The following ATP12A variants were observed in gnomAD, a reference collection of about 807,000 sequenced individuals.
ATP12A encodes the protein potassium-transporting ATPase alpha chain 2.
Under a neutral mutation model 111.2 loss-of-function variants are expected in ATP12A, and 81 were observed. The observed-to-expected ratio is 0.73, with a 90% CI of 0.61 to 0.88. The LOEUF (loss-of-function observed/expected upper bound fraction) is 0.88. Ranked by LOEUF, ATP12A falls within the 40% of genes least tolerant of loss-of-function variation. The pLI is 0.00. For missense variants in ATP12A, 1,196 were observed against 1,313.1 expected, an observed-to-expected ratio of 0.91 and a Z score of 1.38; for synonymous variants, 498 against 499.8, an observed-to-expected ratio of 1.00 and a Z score of 0.05.
intron 13 of ATP12A, among the ~76,000 whole-genome samples, chr13:24,701,501 C>CAAAAAAAAAAAA (rs10586421): frequency 4.9e-5 from 5 of 101,398 alleles, no homozygotes; most frequent in Non-Finnish European, 8.1e-5. Flanking sequence ...AACTCTGTCT[C>CAAAAAAAAAAAA]AAAAAAAAAA....
In ATP12A at chr13:24,711,495, C is replaced by T; in HGVS notation, c.3093C>T (p.Ser1031=). 1 of 1,614,184 alleles carries T rather than the reference C, an allele frequency of 6.2e-7. No homozygotes were observed. Among genetic ancestry groups the T allele is most frequent in the South Asian group, 1.1e-5 (1 of 91,082 alleles). ...ATGTACTTTTTTCTACCTCTACAGGCTGGTGGGATAAGAACATGTATTATT... is the reference window on the plus strand; with the variant it reads ...ATGTACTTTTTTCTACCTCTACAGGTTGGTGGGATAAGAACATGTATTATT... ...RKLFIRLYPG[S]WWDKNMYY Residue 1031 remains serine, a splice_region_variant and synonymous_variant, in exon 23 of 23, where the codon AGC becomes AGT. Coordinates refer to ENST00000381946, the MANE Select transcript of ATP12A (RefSeq NM_001676.7).
intron 11 of ATP12A, among the ~76,000 whole-genome samples, chr13:24,694,992 C>T (rs1192702138): frequency 6.6e-6 from 1 of 152,220 alleles, no homozygotes; most frequent in African/African-American, 2.4e-5. Context: ...GCTCCTCTCA[C>T]CTCTAGTGCA....
intron 1 of ATP12A, 30 bp from the exon 2 acceptor site, chr13:24,681,532 G>A (rs765262128): frequency 3.1e-5 from 49 of 1,601,478 alleles, no homozygotes; most frequent in Non-Finnish European, 3.9e-5. Flanking sequence ...CCCATTTGGG[G>A]CCAATATTGC....
intron 11 of ATP12A, 134 bp from the exon 12 acceptor site, chr13:24,698,524 A>G (rs1325453581): frequency 6.9e-6 from 7 of 1,017,358 alleles, no homozygotes; most frequent in Non-Finnish European, 8.4e-6. Context: ...TTACTTGGCC[A>G]CAGAAAGAAA....
rs1399807000 is a variant in ATP12A, at chr13:24,709,710, T to C, written c.2645T>C (p.Leu882Pro). The C allele has an allele frequency of 1.9e-6, 3 of 1,614,104 alleles. No homozygotes were observed. The highest frequency in any genetic ancestry group is 1.3e-5 in the African/African-American group (1 of 74,932). The stretch of plus-strand genomic sequence containing the variant: ...CTCATGCAAGCCCTGGGAGCTTTCC[T>C]TGTGTATTTCACCGTCTATGCACAA... Reference protein sequence around the residue: ...IGLMQALGAFLVYFTVYAQEG... With the variant: ...IGLMQALGAFPVYFTVYAQEG... The change falls in exon 19 of 23, where the codon CTT becomes CCT. Residue 882 changes from leucine (L) to proline (P), a missense_variant. Physicochemically the swap from Leu to Pro is moderately conservative, Grantham distance 98. Transcript: ENST00000381946.
intron 11 of ATP12A, among the ~76,000 whole-genome samples, chr13:24,696,283 T>C (rs556373001): frequency 1.3e-5 from 2 of 152,238 alleles, no homozygotes. Context: ...GCAGCAGGAC[T>C]TGGAGCCCTG....
Position 24,680,556 on chromosome 13 carries a change from C to A in ATP12A, c.-188C>A. The stretch of plus-strand genomic sequence containing the variant: ...CGGCATTTAAGGCTGGTGCCACCTC[C>A]CCGGTGCAGCGGCTGGCGATCGGCC... On this transcript the variant is annotated 5_prime_UTR_variant, in exon 1 of 23. Coordinates refer to ENST00000381946, the MANE Select transcript of ATP12A (RefSeq NM_001676.7). The A allele has an allele frequency of 1.7e-6, 1 of 572,504 alleles. No homozygotes were observed. Among genetic ancestry groups the A allele is most frequent in the Non-Finnish European group, 2.8e-6 (1 of 352,954 alleles). The allele number at this position is 572,504 out of a possible 1,614,324, so 35.5% of individuals were successfully genotyped here.
At position 24,691,229 on chromosome 13, in the gene ATP12A, G is replaced by C; in HGVS notation, c.1047G>C (p.Glu349Asp). Residue 349 changes from glutamate to aspartate, a missense_variant, in exon 8 of 23, where the codon GAG (glutamate) becomes GAC (aspartate). Transcript: ENST00000381946. ...GCATCATTGTGGCCAATGTGCCCGA[G>C]GGCCTCCTGGCCACTGTCACTGTGA... ...LIGIIVANVP[E>D]GLLATVTVTL... The C allele has an allele frequency of 6.2e-7, 1 of 1,613,058 alleles. No homozygotes were observed. Among genetic ancestry groups the C allele is most frequent in the Non-Finnish European group, 8.5e-7 (1 of 1,179,532 alleles).
In ATP12A at chr13:24,691,041, T is replaced by G; in HGVS notation, c.859T>G (p.Ser287Ala). 6.2e-7 allele frequency: 1 copy of G among 1,614,220 alleles called. No homozygotes were observed. The highest frequency in any genetic ancestry group is 1.1e-5 in the South Asian group (1 of 91,080). The change falls in exon 8 of 23, where the codon TCA becomes GCA. Residue 287 changes from serine (S) to alanine (A), a missense_variant. Around this residue, in one of 3 missense-constraint regions of ATP12A, gnomAD observed 1,126 missense variants for 1,228.5 expected, o/e 0.92. Transcript: ENST00000381946. ...GDRTIIGHIA[S>A]LASGVGNEKT... ...CCGCACCATCATTGGCCATATTGCCTCATTGGCCTCAGGAGTTGGAAATGA... is the reference window on the plus strand; with the variant it reads ...CCGCACCATCATTGGCCATATTGCCGCATTGGCCTCAGGAGTTGGAAATGA...
chr13:24,707,238 G>A (rs1341575443), intron 16 of ATP12A, 41 bp from the exon 17 acceptor site: 2 of 1,613,678 alleles, frequency 1.2e-6, no homozygotes, highest in Admixed American at 3.3e-5. Flanking sequence ...GTGGTCTGGG[G>A]GACTAGAAGT....
At chr13:24,693,653 C>T (rs1329451978) in intron 10 of ATP12A, among the ~76,000 whole-genome samples, 3 of 152,204 alleles carry the variant, frequency 2.0e-5, no homozygotes, top group Admixed American at 2.0e-4. Context: ...TAACTTCCAC[C>T]CGTACCCAGC....
At chr13:24,709,609 C>T in intron 18 of ATP12A, 74 bp from the exon 19 acceptor site, 1 of 1,595,864 alleles carries the variant, frequency 6.3e-7, no homozygotes, top group Non-Finnish European at 8.6e-7. Context: ...GGAGGGGGAA[C>T]CGAGAGTAGA....
Position 24,698,863 on chromosome 13 carries a change from G to A in ATP12A, c.1705+13G>A, listed in dbSNP as rs1296139026. The A allele has an allele frequency of 6.2e-7, 1 of 1,612,034 alleles. No individual in the cohort carries two copies. ...GAGCGTGTGCTGGGTGAGTGCGGCG[G>A]CAGGGCCCTGCCCATCACCTGGTGG... On this transcript the variant is annotated intron_variant, in intron 12 of 22. Transcript: ENST00000381946.
rs755987476 is a variant in ATP12A at position 24,707,346 on chromosome 13, GTGCCCCT to G, written c.2408_2414del (p.Cys803PhefsTer2). 8 of 1,614,108 alleles carry G rather than the reference GTGCCCCT, an allele frequency of 5.0e-6. No individual in the cohort carries two copies. In the African/African-American group the frequency reaches 1.1e-4, roughly 22 times the overall value. On this transcript the variant is annotated frameshift_variant, in exon 17 of 23. Coordinates refer to ENST00000381946, the MANE Select transcript of ATP12A (RefSeq NM_001676.7). LOFTEE classifies it high-confidence loss of function. ...CCCTGACCAAGAACATTGCCGAGCT[GTGCCCCT>G]TTCTGATCTACATCATTGTCGGGCT...
Position 24,692,544 on chromosome 13 carries a change from C to T in ATP12A, c.1184C>T (p.Thr395Ile), listed in dbSNP as rs769987029. 4 of 1,614,092 alleles carry T rather than the reference C, an allele frequency of 2.5e-6. No homozygotes were observed. Among genetic ancestry groups the T allele is most frequent in the Non-Finnish European group, 3.4e-6 (4 of 1,180,046 alleles). ...ATCATCTGCTCGGACAAGACTGGGA[C>T]ACTGACCCAGAACAGGATGACAGTG... ...TSIICSDKTG[T>I]LTQNRMTVAH... Residue 395 changes from threonine to isoleucine, a missense_variant, in exon 9 of 23, where the codon ACA (threonine) becomes ATA (isoleucine). Physicochemically the swap from Thr to Ile is moderately conservative, Grantham distance 89. Transcript: ENST00000381946.
At chr13:24,692,114 G>A (rs138289030) in intron 8 of ATP12A, among the ~76,000 whole-genome samples, 7 of 152,286 alleles carry the variant, frequency 4.6e-5, no homozygotes, top group African/African-American at 9.6e-5. Context: ...AGGAGGCGTC[G>A]TGATTGTACG....
intron 12 of ATP12A, among the ~76,000 whole-genome samples, chr13:24,699,703 A>G (rs1307739380): frequency 1.3e-5 from 2 of 152,208 alleles, no homozygotes; most frequent in Non-Finnish European, 2.9e-5. Flanking sequence ...GGAGGACCCA[A>G]TGGGGGTGCC....
intron 11 of ATP12A, among the ~76,000 whole-genome samples, chr13:24,697,376 G>T (rs1404740720): frequency 6.6e-6 from 1 of 152,180 alleles, no homozygotes; most frequent in Non-Finnish European, 1.5e-5. Context: ...GCTCACACCT[G>T]TAATCACAGC....
At chr13:24,694,861 T>A (rs9553422) in intron 11 of ATP12A, among the ~76,000 whole-genome samples, 22 of 42,112 alleles carry the variant, frequency 5.2e-4, no homozygotes, top group East Asian at 2.1e-3. Flanking sequence ...TCTCTCTCTC[T>A]CACACACACA....
Sources: allele counts gnomAD v4.1 joint callset (sites outside exome capture counted in the v4.1 genomes callset), GRCh38; gene constraint gnomAD v4.1.1; regional missense constraint gnomAD v4.1.1; transcripts MANE v1.5; gene names NCBI Gene and HGNC (gene_info 2026-07-23, HGNC 2026-07-21).